Variants in STXBP4 observed in about 807,000 individuals in gnomAD.
STXBP4 encodes the protein syntaxin-binding protein 4.
Under a neutral mutation model 76.1 loss-of-function variants are expected in STXBP4, and 55 were observed. That is an observed-to-expected ratio of 0.72 (90% CI 0.58 to 0.91). STXBP4 has a LOEUF of 0.91. STXBP4 is among the 40% of genes least tolerant of loss of function. The pLI is 0.00. For synonymous variants in STXBP4, 201 were observed against 220.2 expected (o/e 0.91, Z 0.77); for missense variants, 618 against 636.9 (o/e 0.97, Z 0.32).
intron 3 of STXBP4, among the ~76,000 whole-genome samples, chr17:54,989,290 G>T (rs2077677741): frequency 1.3e-5 from 2 of 152,144 alleles, no homozygotes; most frequent in South Asian, 2.1e-4. Context: ...TGTATTTTTA[G>T]TATAGACGGG....
intron 1 of STXBP4, among the ~76,000 whole-genome samples, chr17:54,982,107 A>G (rs756623565): frequency 5.3e-4 from 80 of 152,288 alleles, no homozygotes; most frequent in Middle Eastern, 3.4e-3. Flanking sequence ...AATTTGTATC[A>G]ATTTCATTAT....
At chr17:55,159,591 T>G (rs2080318091) in intron 17 of STXBP4, among the ~76,000 whole-genome samples, 1 of 152,216 alleles carries the variant, frequency 6.6e-6, no homozygotes, top group Non-Finnish European at 1.5e-5. Flanking sequence ...CTGCATTCCT[T>G]TTTAACCAAA....
intron 10 of STXBP4, among the ~76,000 whole-genome samples, chr17:55,038,127 T>G (rs960288723): frequency 1.3e-4 from 20 of 152,280 alleles, no homozygotes; most frequent in African/African-American, 4.6e-4. Flanking sequence ...CATGTTTTCT[T>G]TTTTTGGCTG....
chr17:55,125,980 A>G (rs2079907121), intron 16 of STXBP4, among the ~76,000 whole-genome samples: 1 of 152,132 alleles, frequency 6.6e-6, no homozygotes, highest in Non-Finnish European at 1.5e-5. Flanking sequence ...CTACACAAAT[A>G]TAGGGCGCAT....
the STXBP4 span, among the ~76,000 whole-genome samples, chr17:55,198,476 TA>T: frequency 6.5e-3 from 990 of 151,534 alleles, 12 homozygotes; most frequent in African/African-American, 0.022. Context: ...TCTTAAACTT[TA>T]AAAAAAAAGT....
At chr17:55,017,528 A>G (rs2078229913) in intron 8 of STXBP4, among the ~76,000 whole-genome samples, 1 of 152,184 alleles carries the variant, frequency 6.6e-6, no homozygotes, top group African/African-American at 2.4e-5. Flanking sequence ...CAGGGATCAG[A>G]GGAAGTAGAT....
the STXBP4 span, among the ~76,000 whole-genome samples, chr17:55,185,251 C>CTTCTTCTTCTTCTCCTT: frequency 8.3e-3 from 408 of 49,362 alleles, 21 homozygotes; most frequent in African/African-American, 0.029. Flanking sequence ...TTCTTCTTCT[C>CTTCTTCTTCTTCTCCTT]CTTCTCCTTC....
intron 8 of STXBP4, among the ~76,000 whole-genome samples, chr17:55,028,101 A>G (rs2078446234): frequency 6.6e-6 from 1 of 152,156 alleles, no homozygotes; most frequent in East Asian, 1.9e-4. Flanking sequence ...ATGAAGCAAG[A>G]TAGTAGATAT....
intron 11 of STXBP4, chr17:55,043,728 C>A: frequency 1.6e-6 from 2 of 1,276,356 alleles, no homozygotes; most frequent in Non-Finnish European, 1.1e-6. Context: ...TAAGGGACAT[C>A]ATGTTTTGCT....
At position 54,997,614 on chromosome 17, in the gene STXBP4, A is replaced by ATATAT. The variant is rs1567710058; in HGVS notation, c.181-1730_181-1729insATATT. Among the ~76,000 whole-genome samples the ATATAT allele has an allele frequency of 2.7e-5, 4 of 145,634 alleles. No homozygotes were observed. The South Asian group carries it at 6.3e-4, about 23-fold the overall frequency. On this transcript the variant is annotated intron_variant, in intron 4 of 17. Coordinates refer to ENST00000376352, the MANE Select transcript of STXBP4 (RefSeq NM_178509.6). The stretch of plus-strand genomic sequence containing the variant: ...TTTTATATATTTTATATATATATAT[A>ATATAT]TTTTTTTTGAGACAGATTTTTGCTT...
the STXBP4 span, among the ~76,000 whole-genome samples, chr17:55,185,350 TCTCCTC>T: frequency 1.1e-4 from 12 of 105,458 alleles, no homozygotes; most frequent in South Asian, 3.5e-4. Context: ...TCCTCCTCCT[TCTCCTC>T]CTCCTTCTCC....
At chr17:55,009,892 T>C (rs2078076333) in intron 8 of STXBP4, among the ~76,000 whole-genome samples, 1 of 152,058 alleles carries the variant, frequency 6.6e-6, no homozygotes, top group Non-Finnish European at 1.5e-5. Context: ...CACATACTGA[T>C]ATTAATGTCA....
At chr17:55,000,656 T>C in intron 6 of STXBP4, 152 bp from the exon 7 acceptor site, 1 of 646,002 alleles carries the variant, frequency 1.5e-6, no homozygotes, top group Non-Finnish European at 2.7e-6. Context: ...TCTGAATTGC[T>C]TTGTTTGAAG....
intron 3 of STXBP4, among the ~76,000 whole-genome samples, chr17:54,987,736 A>G (rs1567704672): frequency 6.6e-6 from 1 of 152,180 alleles, no homozygotes; most frequent in Non-Finnish European, 1.5e-5. Context: ...TAGAAATGGA[A>G]TTGCTGGATC....
chr17:55,210,062 C>T, the STXBP4 span, among the ~76,000 whole-genome samples: 1 of 152,164 alleles, frequency 6.6e-6, no homozygotes, highest in East Asian at 1.9e-4. Context: ...GTGCATATAT[C>T]TTTAGTGGGA....
At chr17:55,030,518 T>G (rs1347453229) in intron 8 of STXBP4, among the ~76,000 whole-genome samples, 9 of 152,168 alleles carry the variant, frequency 5.9e-5, no homozygotes, top group Non-Finnish European at 2.9e-5. Flanking sequence ...ATGGCAGTGT[T>G]TTCAGCCGAA....
chr17:55,063,769 G>T (rs1265417142), intron 12 of STXBP4, among the ~76,000 whole-genome samples: 1 of 152,068 alleles, frequency 6.6e-6, no homozygotes, highest in Non-Finnish European at 1.5e-5. Flanking sequence ...AGGAAAGTAG[G>T]CATTACTCCC....
At chr17:55,101,752 A>C (rs2079568825) in intron 16 of STXBP4, among the ~76,000 whole-genome samples, 1 of 152,190 alleles carries the variant, frequency 6.6e-6, no homozygotes, top group Non-Finnish European at 1.5e-5. Flanking sequence ...TGCTTTTGTA[A>C]ATAAAAGGAG....
At chr17:54,997,833 C>T (rs924277605) in intron 4 of STXBP4, among the ~76,000 whole-genome samples, 2 of 146,210 alleles carry the variant, frequency 1.4e-5, no homozygotes, top group Non-Finnish European at 3.0e-5. Context: ...AGCAATCTTT[C>T]TGCCTCAGCC....
Sources: allele counts gnomAD v4.1 joint callset (sites outside exome capture counted in the v4.1 genomes callset), GRCh38; gene constraint gnomAD v4.1.1; transcripts MANE v1.5; gene names NCBI Gene and HGNC (gene_info 2026-07-23, HGNC 2026-07-21).